Variants in SCP2 observed in about 807,000 individuals in gnomAD.
SCP2 encodes the protein SCP-2/3-oxoacyl-CoA thiolase.
In SCP2, 48 loss-of-function variants were observed where a neutral mutation model predicts 71.4. The observed-to-expected ratio is 0.67, with a 90% CI of 0.53 to 0.86. The LOEUF (loss-of-function observed/expected upper bound fraction) is 0.86, where lower values mean the gene tolerates loss of function less well. Ranked by LOEUF, SCP2 falls within the 40% of genes least tolerant of loss-of-function variation. The probability of loss-of-function intolerance (pLI) is 0.00; values close to 1 mark genes in which losing one functional copy is unlikely to be tolerated. For missense variants in SCP2, 560 were observed against 655.6 expected, an observed-to-expected ratio of 0.85 and a Z score of 1.59; for synonymous variants, 220 against 218.1, an observed-to-expected ratio of 1.01 and a Z score of -0.08.
rs571230982 is a variant in SCP2, at chr1:53,040,992, C to T, written c.1468+1946C>T. On this transcript the variant is annotated intron_variant, in intron 14 of 15. Coordinates refer to ENST00000371514, the MANE Select transcript of SCP2 (RefSeq NM_002979.5). ...AAATGGACAACAGAATGAATGGCAT[C>T]GAGTAAGCATTCAGTAAGTGGTAGC... Among the ~76,000 whole-genome samples, 17 of 152,174 alleles carry T rather than the reference C, an allele frequency of 1.1e-4. No individual in the cohort carries two copies. The South Asian group carries it at 1.9e-3, about 17-fold the overall frequency.
chr1:52,934,592 CTTTTTTTTTTTTTTTTTTTTTT>C lies in SCP2; in HGVS notation c.69+7144_69+7165del, dbSNP rs771433635. Among the ~76,000 whole-genome samples, 60 of 29,056 alleles carry C rather than the reference CTTTTTTTTTTTTTTTTTTTTTT, an allele frequency of 2.1e-3. 1 individual carries two copies. The highest frequency in any genetic ancestry group is 3.4e-3 in the Non-Finnish European group (49 of 14,470). The allele number at this position is 29,056 out of a possible 152,430, so 19.1% of individuals were successfully genotyped here. A position where few individuals can be genotyped will look rare whatever the true frequency, so the allele number is the denominator to read the frequency against. On this transcript the variant is annotated intron_variant, in intron 1 of 15. Coordinates refer to ENST00000371514, the MANE Select transcript of SCP2 (RefSeq NM_002979.5). ...GTTTCAAATTCTACATTCCAGCTAA[CTTTTTTTTTTTTTTTTTTTTTT>C]TTTTTTTTTTTTTTTTGAGACGGAG...
intron 2 of SCP2, among the ~76,000 whole-genome samples, chr1:52,942,819 C>G (rs1654390613): frequency 6.6e-6 from 1 of 151,556 alleles, no homozygotes; most frequent in Non-Finnish European, 1.5e-5. Flanking sequence ...CCTGCCTCAG[C>G]CTCCCGAGTA....
At chr1:52,994,871 T>C (rs1659811419) in intron 11 of SCP2, 1 of 507,782 alleles carries the variant, frequency 2.0e-6, no homozygotes, top group African/African-American at 2.0e-5. Context: ...TGTGTCTCCA[T>C]GTACTACAGT....
intron 11 of SCP2, chr1:52,993,403 C>T: frequency 1.2e-6 from 2 of 1,614,176 alleles, no homozygotes; most frequent in East Asian, 2.2e-5. Context: ...CCTGTGTTAC[C>T]TGTCTTTGAT....
chr1:53,033,119 T>C (rs956592553), intron 13 of SCP2, among the ~76,000 whole-genome samples: 3 of 152,196 alleles, frequency 2.0e-5, no homozygotes, highest in Admixed American at 6.5e-5. Flanking sequence ...GATACTCACA[T>C]GTAAGAGATG....
intron 11 of SCP2, chr1:52,994,934 C>T: frequency 1.9e-6 from 1 of 522,166 alleles, no homozygotes; most frequent in Non-Finnish European, 3.8e-6. Flanking sequence ...GATCTAGAAC[C>T]TGGGACCATG....
chr1:52,947,740 CTTCAGAT>C, intron 2 of SCP2, among the ~76,000 whole-genome samples: 1 of 152,216 alleles, frequency 6.6e-6, no homozygotes, highest in Non-Finnish European at 1.5e-5. Flanking sequence ...CTGTAAGACT[CTTCAGAT>C]TTAATGTAGA....
chr1:53,007,676 G>A (rs1660720289), intron 11 of SCP2, among the ~76,000 whole-genome samples: 1 of 152,100 alleles, frequency 6.6e-6, no homozygotes, highest in South Asian at 2.1e-4. Context: ...GAGAAAGCAG[G>A]AAAGATCTAA....
At chr1:52,951,017 A>T (rs1655243439) in intron 4 of SCP2, 131 bp downstream of exon 4, 6 of 1,045,604 alleles carry the variant, frequency 5.7e-6, no homozygotes, top group Non-Finnish European at 8.8e-6. Context: ...GTGGTGGCTT[A>T]TGCTTGTAAC....
intron 11 of SCP2, chr1:52,994,104 G>A (rs1198771144): frequency 8.5e-6 from 9 of 1,061,878 alleles, no homozygotes; most frequent in Admixed American, 5.0e-5. Flanking sequence ...TTCTGCCTTT[G>A]GTAAATAGAC....
chr1:52,948,085 G>A lies in SCP2; in HGVS notation c.199+5G>A. 1.3e-6 allele frequency: 2 copies of A among 1,588,540 alleles called. No individual in the cohort carries two copies. The highest frequency in any genetic ancestry group is 1.7e-6 in the Non-Finnish European group (2 of 1,156,800). The stretch of plus-strand genomic sequence containing the variant: ...CATGTGTTGGCTATGTTTTTGGTAT[G>A]TATTAAACTGTGTATTCTAAAATTT... On this transcript the variant is annotated splice_donor_5th_base_variant and intron_variant, in intron 3 of 15. Coordinates refer to ENST00000371514, the MANE Select transcript of SCP2 (RefSeq NM_002979.5).
chr1:52,988,235 C>G (rs1659169254), intron 11 of SCP2, 99 bp downstream of exon 11: 1 of 720,530 alleles, frequency 1.4e-6, no homozygotes, highest in East Asian at 2.7e-5. Context: ...ATTCTCTGAA[C>G]TTGGTAGCTG....
chr1:53,044,854 A>G (rs1291938537), intron 14 of SCP2, among the ~76,000 whole-genome samples: 1 of 152,256 alleles, frequency 6.6e-6, no homozygotes, highest in Non-Finnish European at 1.5e-5. Flanking sequence ...TTTGTTGTCC[A>G]GTCTTTTTTC....
In SCP2 at chr1:52,950,762, T is replaced by C; in HGVS notation, c.207T>C (p.Ser69=). 1 of 1,613,630 alleles carries C rather than the reference T, an allele frequency of 6.2e-7. No homozygotes were observed. The highest frequency in any genetic ancestry group is 8.5e-7 in the Non-Finnish European group (1 of 1,179,562). ...TTTTGTTTTTCTATTCAGGTGACTC[T>C]ACCTGTGGGCAGAGGGCTATCTATC... ...QACVGYVFGD[S]TCGQRAIYHS... Residue 69 remains serine (S), a synonymous_variant, in exon 4 of 16, where the codon TCT becomes TCC. Transcript: ENST00000371514.
chr1:52,968,766 G>A (rs1464475332), intron 6 of SCP2, among the ~76,000 whole-genome samples: 1 of 152,100 alleles, frequency 6.6e-6, no homozygotes, highest in Non-Finnish European at 1.5e-5. Context: ...GGGGTTTAGT[G>A]GTACTGACCT....
chr1:52,932,410 T>A (rs1029871644), intron 1 of SCP2, among the ~76,000 whole-genome samples: 6 of 152,082 alleles, frequency 3.9e-5, no homozygotes, highest in Non-Finnish European at 4.4e-5. Flanking sequence ...TAGAAAAAAA[T>A]TTTTTAATGT....
intron 14 of SCP2, among the ~76,000 whole-genome samples, chr1:53,045,887 T>C (rs1663777231): frequency 6.6e-6 from 1 of 152,190 alleles, no homozygotes. Context: ...TAGCCACTAG[T>C]TTGATTTCTC....
In SCP2 at chr1:52,983,196, A is replaced by G. The variant is rs1018072677; in HGVS notation, c.973+2653A>G. Reference sequence around the variant, plus strand: ...CCGCCATAGTTTCTAACGAGGAGTCATGGTCATTCAAATTGTTGTTTCTCT... The same window carrying G: ...CCGCCATAGTTTCTAACGAGGAGTCGTGGTCATTCAAATTGTTGTTTCTCT... On this transcript the variant is annotated intron_variant, in intron 10 of 15. Coordinates refer to ENST00000371514, the MANE Select transcript of SCP2 (RefSeq NM_002979.5). Among the ~76,000 whole-genome samples the G allele has an allele frequency of 5.9e-5, 9 of 152,230 alleles. No individual in the cohort carries two copies. The South Asian group carries it at 8.3e-4, about 14-fold the overall frequency.
chr1:52,994,856 T>G (rs1483748097), intron 11 of SCP2: 1 of 509,402 alleles, frequency 2.0e-6, no homozygotes, highest in East Asian at 5.0e-5. Flanking sequence ...GACCTGCAGC[T>G]GGACTGTGTC....
Sources: allele counts gnomAD v4.1 joint callset (sites outside exome capture counted in the v4.1 genomes callset), GRCh38; gene constraint gnomAD v4.1.1; transcripts MANE v1.5; gene names NCBI Gene and HGNC (gene_info 2026-07-23, HGNC 2026-07-21).